Variants in ULK4 observed in about 807,000 individuals in gnomAD.
ULK4 encodes the protein inactive serine/threonine-protein kinase ULK4.
A neutral mutation model predicts 160.6 loss-of-function variants in ULK4; 133 were observed. The observed-to-expected ratio is 0.83, with a 90% CI of 0.72 to 0.96. The LOEUF (loss-of-function observed/expected upper bound fraction) is 0.96. ULK4 is among the 40% of genes least tolerant of loss of function. The pLI, the probability that ULK4 is intolerant of heterozygous loss-of-function variation, is 0.00. For synonymous variants in ULK4, 534 were observed against 539.8 expected (o/e 0.99, Z 0.15); for missense variants, 1,580 against 1,499.5 (o/e 1.05, Z -0.89).
chr3:41,533,102 G>A (rs1219684630), intron 32 of ULK4, among the ~76,000 whole-genome samples: 1 of 152,146 alleles, frequency 6.6e-6, no homozygotes, highest in African/African-American at 2.4e-5. Context: ...TAGAGAGAGA[G>A]GTCCACCCTC....
At chr3:41,882,744 T>C (rs1022250132) in intron 17 of ULK4, among the ~76,000 whole-genome samples, 4 of 152,198 alleles carry the variant, frequency 2.6e-5, no homozygotes, top group Non-Finnish European at 5.9e-5. Context: ...CTCTAAAATC[T>C]TGGCACTTTG....
chr3:41,782,858 G>C (rs2039894396), intron 21 of ULK4, among the ~76,000 whole-genome samples: 1 of 152,158 alleles, frequency 6.6e-6, no homozygotes, highest in Non-Finnish European at 1.5e-5. Flanking sequence ...ATGTGCAAAA[G>C]AGGACTGTAG....
At chr3:41,477,044 T>G (rs2084166201) in intron 32 of ULK4, among the ~76,000 whole-genome samples, 1 of 152,182 alleles carries the variant, frequency 6.6e-6, no homozygotes, top group Non-Finnish European at 1.5e-5. Context: ...TACTTCCCAG[T>G]CCTCTGGTCA....
intron 7 of ULK4, among the ~76,000 whole-genome samples, chr3:41,917,449 A>C (rs973922757): frequency 4.6e-5 from 7 of 152,068 alleles, no homozygotes; most frequent in Admixed American, 1.3e-4. Flanking sequence ...GCAGCACAGC[A>C]GAACCCTGTC....
At chr3:41,304,462 T>TA (rs1298519374) in intron 35 of ULK4, among the ~76,000 whole-genome samples, 2 of 152,094 alleles carry the variant, frequency 1.3e-5, no homozygotes, top group Non-Finnish European at 2.9e-5. Flanking sequence ...CATGTTGACT[T>TA]AGAAGAAACA....
Position 41,627,787 on chromosome 3 carries a change from C to G in ULK4, c.3072-12070G>C, listed in dbSNP as rs372727172. Among the ~76,000 whole-genome samples the G allele has an allele frequency of 8.6e-4, 131 of 152,262 alleles. No homozygotes were observed. In the Middle Eastern group the frequency reaches 0.01, roughly 12 times the overall value. ...TATGCACAGGATGTAAGGGAACAGA[C>G]ACGAAGAAAACCTAGCTAGCCCAAA... On this transcript the variant is annotated intron_variant, in intron 30 of 36. Transcript: ENST00000301831.
intron 12 of ULK4, among the ~76,000 whole-genome samples, chr3:41,903,462 G>T (rs1453467348): frequency 2.6e-5 from 4 of 152,040 alleles, no homozygotes; most frequent in Admixed American, 6.6e-5. Context: ...GCGGGTGCCT[G>T]TGGTCCCAGC....
chr3:41,675,932 G>A (rs1005250482), intron 29 of ULK4, among the ~76,000 whole-genome samples: 1 of 152,114 alleles, frequency 6.6e-6, no homozygotes, highest in African/African-American at 2.4e-5. Context: ...TTTGTTATAG[G>A]AGCACTAAGA....
chr3:41,289,080 T>C (rs572342080), intron 35 of ULK4, among the ~76,000 whole-genome samples: 14 of 152,310 alleles, frequency 9.2e-5, no homozygotes, highest in Non-Finnish European at 1.8e-4. Flanking sequence ...GCTTTCTGCC[T>C]TTTTCCCTAT....
intron 35 of ULK4, among the ~76,000 whole-genome samples, chr3:41,306,023 G>A (rs1327568471): frequency 1.4e-5 from 2 of 147,778 alleles, no homozygotes; most frequent in Non-Finnish European, 3.0e-5. Context: ...CCTCCGCCTG[G>A]CAGTCGCCCC....
At chr3:41,270,535 GGAA>G (rs1382885492) in intron 35 of ULK4, among the ~76,000 whole-genome samples, 2 of 152,154 alleles carry the variant, frequency 1.3e-5, no homozygotes, top group Non-Finnish European at 2.9e-5. Flanking sequence ...CAATAGGGAA[GGAA>G]TTACCATTTT....
intron 19 of ULK4, among the ~76,000 whole-genome samples, chr3:41,810,072 C>A (rs2040773101): frequency 6.6e-6 from 1 of 152,132 alleles, no homozygotes; most frequent in African/African-American, 2.4e-5. Flanking sequence ...AGGTCTAATT[C>A]TTTATAGTTA....
chr3:41,696,673 C>T (rs193250216), intron 27 of ULK4, among the ~76,000 whole-genome samples: 162 of 152,304 alleles, frequency 1.1e-3, no homozygotes, highest in African/African-American at 3.8e-3. Flanking sequence ...GGGCTGGTCC[C>T]TATAGTCCTG....
chr3:41,897,453 A>C (rs1575908426), intron 14 of ULK4, among the ~76,000 whole-genome samples: 1 of 152,208 alleles, frequency 6.6e-6, no homozygotes. Flanking sequence ...AAATCACCTG[A>C]AATTCCTACC....
intron 21 of ULK4, among the ~76,000 whole-genome samples, chr3:41,762,106 AG>A (rs1301304588): frequency 6.6e-6 from 1 of 152,128 alleles, no homozygotes; most frequent in African/African-American, 2.4e-5. Flanking sequence ...AAACAAAACT[AG>A]AAATTAATTA....
chr3:41,873,587 T>C (rs1037824389), intron 17 of ULK4, among the ~76,000 whole-genome samples: 5 of 152,208 alleles, frequency 3.3e-5, no homozygotes, highest in Admixed American at 1.3e-4. Flanking sequence ...GGAGTCTCAC[T>C]CTGTCGCCCA....
chr3:41,446,511 T>C (rs7374709), intron 34 of ULK4, among the ~76,000 whole-genome samples: 40,373 of 151,600 alleles, frequency 0.27, 5,621 homozygotes, highest in East Asian at 0.57. Context: ...ATTAAGAAAA[T>C]GTGGCACATA....
chr3:41,752,207 TTTTG>T (rs1470709862), intron 22 of ULK4, among the ~76,000 whole-genome samples: 2 of 152,238 alleles, frequency 1.3e-5, no homozygotes, highest in Non-Finnish European at 2.9e-5. Context: ...TTTGTCCCTT[TTTTG>T]TTTTTCTCTT....
chr3:41,639,426 C>CA (rs1358916502), intron 30 of ULK4, among the ~76,000 whole-genome samples: 1 of 151,988 alleles, frequency 6.6e-6, no homozygotes, highest in Admixed American at 6.6e-5. Context: ...TCTAGTCAAA[C>CA]AAAAAATAAA....
Sources: gnomAD v4.1 joint callset for allele counts (sites outside exome capture counted in the v4.1 genomes callset) on GRCh38, gnomAD v4.1.1 for gene constraint, MANE v1.5 for transcripts, NCBI Gene and HGNC (gene_info 2026-07-23, HGNC 2026-07-21) for gene names.